The following SLC16A7 variants were observed in gnomAD, a reference collection of about 807,000 sequenced individuals.
The protein encoded by SLC16A7 is solute carrier family 16 member 7.
A neutral mutation model predicts 34.9 loss-of-function variants in SLC16A7; 33 were observed. The observed-to-expected ratio is 0.94, with a 90% CI of 0.72 to 1.26. The LOEUF is 1.26. SLC16A7 is among the 50% of genes most tolerant of loss of function. The probability of loss-of-function intolerance (pLI) is 0.00; values close to 1 mark genes in which losing one functional copy is unlikely to be tolerated. For synonymous variants in SLC16A7, 201 were observed against 206.6 expected, an observed-to-expected ratio of 0.97 and a Z score of 0.23; for missense variants, 573 against 578.1, an observed-to-expected ratio of 0.99 and a Z score of 0.09.
At chr12:59,658,946 G>A (rs1868681900) in intron 2 of SLC16A7, among the ~76,000 whole-genome samples, 1 of 152,000 alleles carries the variant, frequency 6.6e-6, no homozygotes, top group Non-Finnish European at 1.5e-5. Context: ...GTTAAAATGA[G>A]TATAATGATT....
Position 59,704,050 on chromosome 12 carries a change from A to C in SLC16A7, c.-30-722A>C, listed in dbSNP as rs142564118. On this transcript the variant is annotated intron_variant, in intron 2 of 5. Transcript: ENST00000547379. ...AACCCCATCTCTACTAAAAACACAA[A>C]AATTAGCCGGGCATGGTGGCGCCTG... Among the ~76,000 whole-genome samples the C allele has an allele frequency of 1.4e-3, 211 of 151,588 alleles. 1 individual carries two copies. Among genetic ancestry groups the C allele is most frequent in the Middle Eastern group, 6.8e-3 (2 of 292 alleles).
At chr12:59,777,038 A>G (rs1052638409) in intron 5 of SLC16A7, among the ~76,000 whole-genome samples, 2 of 152,220 alleles carry the variant, frequency 1.3e-5, no homozygotes, top group African/African-American at 4.8e-5. Flanking sequence ...TGAAAAAAGA[A>G]TCAAGTCCAA....
In SLC16A7 at chr12:59,789,186, G is replaced by A. The variant is rs538774626; in HGVS notation, c.*9507G>A. On this transcript the variant is annotated 3_prime_UTR_variant, in exon 6 of 6. Coordinates refer to ENST00000547379, the MANE Select transcript of SLC16A7 (RefSeq NM_001270623.2). ...TATCTAGCAAAGTGCCAGGCATAGA[G>A]TATTCCTTTATTGAAATGAATTGAT... 1.3e-5 allele frequency: 2 copies of A among 152,186 alleles called. No homozygotes were observed. Among genetic ancestry groups the A allele is most frequent in the African/African-American group, 2.4e-5 (1 of 41,574 alleles). The allele number at this position is 152,186 out of a possible 1,614,324, so 9.4% of individuals were successfully genotyped here. A position where few individuals can be genotyped will look rare whatever the true frequency, so the allele number is the denominator to read the frequency against.
At chr12:59,672,059 TC>T (rs62665460) in intron 2 of SLC16A7, among the ~76,000 whole-genome samples, 417 of 438 alleles carry the variant, frequency 0.95, 205 homozygotes, top group South Asian at 1. Context: ...TGTGTATATA[TC>T]GCATATATCC....
At chr12:59,601,963 A>G (rs1190155614) in intron 1 of SLC16A7, among the ~76,000 whole-genome samples, 3 of 152,150 alleles carry the variant, frequency 2.0e-5, no homozygotes, top group African/African-American at 4.8e-5. Flanking sequence ...ACAATGATCT[A>G]TCTCTGTTTT....
chr12:59,668,695 A>G (rs1592458397), intron 2 of SLC16A7, among the ~76,000 whole-genome samples: 1 of 152,168 alleles, frequency 6.6e-6, no homozygotes, highest in Non-Finnish European at 1.5e-5. Flanking sequence ...ATTTTTGGGA[A>G]GGCATGATGG....
intron 2 of SLC16A7, among the ~76,000 whole-genome samples, chr12:59,680,128 A>G (rs1442660077): frequency 6.6e-6 from 1 of 152,186 alleles, no homozygotes; most frequent in Non-Finnish European, 1.5e-5. Flanking sequence ...CCACTTTGCA[A>G]TCAAAATGTC....
chr12:59,624,918 T>C (rs746095416), intron 1 of SLC16A7, among the ~76,000 whole-genome samples: 28 of 151,798 alleles, frequency 1.8e-4, no homozygotes, highest in Non-Finnish European at 1.6e-4. Context: ...ATGTACCCTT[T>C]TGGGTTGTAA....
Position 59,649,042 on chromosome 12 carries a change from T to C in SLC16A7, c.-129-6110T>C, listed in dbSNP as rs575008227. Among the ~76,000 whole-genome samples the C allele has an allele frequency of 4.6e-5, 7 of 152,220 alleles. No individual in the cohort carries two copies. The South Asian group carries it at 1.2e-3, about 27-fold the overall frequency. ...AAGTGAAAAAGAAGAATTTTTTGCA[T>C]GAAAGTGGAAAAGTAATGACACAAA... is the stretch of plus-strand genomic sequence containing the variant. On this transcript the variant is annotated intron_variant, in intron 1 of 5. Coordinates refer to ENST00000547379, the MANE Select transcript of SLC16A7 (RefSeq NM_001270623.2).
chr12:59,704,727 A>C (rs1873360246), intron 2 of SLC16A7, 45 bp from the exon 3 acceptor site: 6 of 998,982 alleles, frequency 6.0e-6, no homozygotes, highest in Non-Finnish European at 9.0e-6. Flanking sequence ...TGGTAAACAA[A>C]AGGGGAAATA....
At chr12:59,732,051 C>T (rs1877010703) in intron 3 of SLC16A7, among the ~76,000 whole-genome samples, 1 of 151,268 alleles carries the variant, frequency 6.6e-6, no homozygotes, top group Non-Finnish European at 1.5e-5. Context: ...TGAAAAGGAG[C>T]TATGCATATA....
chr12:59,733,508 G>C (rs1877205984), intron 3 of SLC16A7, among the ~76,000 whole-genome samples: 1 of 152,186 alleles, frequency 6.6e-6, no homozygotes, highest in African/African-American at 2.4e-5. Context: ...TCTACTGTGG[G>C]CACTGGGGAA....
intron 2 of SLC16A7, among the ~76,000 whole-genome samples, chr12:59,703,891 T>C (rs899804311): frequency 6.6e-6 from 1 of 152,042 alleles, no homozygotes; most frequent in East Asian, 1.9e-4. Context: ...ACCTTAAATA[T>C]ATAATTTTTA....
chr12:59,753,727 A>G (rs1879907896), intron 3 of SLC16A7, among the ~76,000 whole-genome samples: 1 of 152,184 alleles, frequency 6.6e-6, no homozygotes, highest in Admixed American at 6.5e-5. Flanking sequence ...GATACCCAGG[A>G]ATTGAACTCA....
intron 1 of SLC16A7, among the ~76,000 whole-genome samples, chr12:59,599,986 G>A (rs1878607875): frequency 6.6e-6 from 1 of 152,092 alleles, no homozygotes; most frequent in Non-Finnish European, 1.5e-5. Flanking sequence ...GCAGACGAGG[G>A]GCTCTGAAGT....
chr12:59,653,730 A>G (rs1413128142), intron 1 of SLC16A7, among the ~76,000 whole-genome samples: 1 of 151,686 alleles, frequency 6.6e-6, no homozygotes, highest in African/African-American at 2.4e-5. Context: ...TTACAAAGTA[A>G]ACAATTGATT....
At chr12:59,676,778 C>T in intron 2 of SLC16A7, among the ~76,000 whole-genome samples, 1 of 152,184 alleles carries the variant, frequency 6.6e-6, no homozygotes, top group South Asian at 2.1e-4. Context: ...GGTAAAGGGA[C>T]ATATTTTTAT....
chr12:59,752,932 G>T (rs1000062088), intron 3 of SLC16A7, among the ~76,000 whole-genome samples: 3 of 152,218 alleles, frequency 2.0e-5, no homozygotes, highest in Admixed American at 2.0e-4. Flanking sequence ...CAAGCCAGAA[G>T]AGAGTGGAGG....
intron 3 of SLC16A7, among the ~76,000 whole-genome samples, chr12:59,730,312 T>G: frequency 6.6e-6 from 1 of 150,894 alleles, no homozygotes; most frequent in Non-Finnish European, 1.5e-5. Context: ...ATGGATAGTC[T>G]TATGTCCACT....
Sources: allele counts gnomAD v4.1 joint callset (sites outside exome capture counted in the v4.1 genomes callset), GRCh38; gene constraint gnomAD v4.1.1; transcripts MANE v1.5; gene names NCBI Gene and HGNC (gene_info 2026-07-23, HGNC 2026-07-21).